Variants in SBF2 observed in about 807,000 individuals in gnomAD.
SBF2 encodes the protein SET binding factor 2.
SBF2 carries 112 observed loss-of-function variants against 225.2 expected under a neutral mutation model. The ratio of observed to expected loss-of-function variants is 0.50; its 90% confidence interval spans 0.43 to 0.58. The LOEUF (loss-of-function observed/expected upper bound fraction) is 0.58. Ranked by LOEUF, SBF2 falls within the 20% of genes least tolerant of loss-of-function variation. SBF2 has a pLI of 0.00. For missense variants in SBF2, 1,996 were observed against 2,206.2 expected (o/e 0.90, Z 1.91); for synonymous variants, 763 against 773.3 (o/e 0.99, Z 0.22).
chr11:10,234,623 C>T (rs948095649), intron 1 of SBF2, among the ~76,000 whole-genome samples: 6 of 152,126 alleles, frequency 3.9e-5, no homozygotes, highest in Non-Finnish European at 2.9e-5. Flanking sequence ...CCATGTGCAG[C>T]TATAACAGCT....
At chr11:10,140,084 G>A (rs1019699885) in intron 2 of SBF2, among the ~76,000 whole-genome samples, 5 of 152,176 alleles carry the variant, frequency 3.3e-5, no homozygotes, top group African/African-American at 9.7e-5. Flanking sequence ...ACCAGTTCCC[G>A]GCACAGTGCT....
chr11:9,820,909 C>T (rs773437562), intron 28 of SBF2, among the ~76,000 whole-genome samples: 8 of 152,234 alleles, frequency 5.3e-5, no homozygotes, highest in Non-Finnish European at 1.2e-4. Context: ...AAAGGTTAAA[C>T]TTATCCACAG....
chr11:10,041,263 T>C (rs1949642311), intron 3 of SBF2, among the ~76,000 whole-genome samples: 1 of 152,134 alleles, frequency 6.6e-6, no homozygotes, highest in Admixed American at 6.6e-5. Context: ...ATTGAACTGA[T>C]AAAAATGAGA....
intron 2 of SBF2, among the ~76,000 whole-genome samples, chr11:10,094,861 CG>C (rs1951951574): frequency 6.6e-6 from 1 of 150,904 alleles, no homozygotes; most frequent in African/African-American, 2.4e-5. Context: ...GTGGTGGTAA[CG>C]GGGAGTGGGT....
intron 1 of SBF2, among the ~76,000 whole-genome samples, chr11:10,245,165 A>G (rs1038702927): frequency 1.3e-5 from 2 of 151,040 alleles, no homozygotes; most frequent in Non-Finnish European, 3.0e-5. Context: ...TAAAATGGGC[A>G]AACTAATTAG....
intron 17 of SBF2, among the ~76,000 whole-genome samples, chr11:9,874,914 A>C (rs1859090700): frequency 6.6e-6 from 1 of 152,266 alleles, no homozygotes. Context: ...TTATATGAAG[A>C]GAAAGGAGAC....
At chr11:10,116,072 G>A (rs1953124072) in intron 2 of SBF2, among the ~76,000 whole-genome samples, 1 of 152,180 alleles carries the variant, frequency 6.6e-6, no homozygotes, top group Non-Finnish European at 1.5e-5. Flanking sequence ...GGGAGGCTGA[G>A]GCAGGAGAAT....
chr11:10,141,271 T>C (rs1399137892), intron 2 of SBF2, among the ~76,000 whole-genome samples: 1 of 152,178 alleles, frequency 6.6e-6, no homozygotes, highest in Non-Finnish European at 1.5e-5. Flanking sequence ...TGTACACTAT[T>C]ATCTCCAGCT....
At chr11:10,159,019 T>A (rs1565297752) in intron 2 of SBF2, among the ~76,000 whole-genome samples, 1 of 152,210 alleles carries the variant, frequency 6.6e-6, no homozygotes, top group Admixed American at 6.5e-5. Context: ...ATATGTCAAG[T>A]CCACCAGTAA....
At chr11:10,223,399 T>TATATA (rs1555082901) in intron 1 of SBF2, among the ~76,000 whole-genome samples, 1 of 59,278 alleles carries the variant, frequency 1.7e-5, no homozygotes. Flanking sequence ...ATTTTGCACA[T>TATATA]TATATATATA....
At chr11:10,291,814 C>G (rs937975700) in intron 1 of SBF2, among the ~76,000 whole-genome samples, 1 of 152,128 alleles carries the variant, frequency 6.6e-6, no homozygotes, top group African/African-American at 2.4e-5. Flanking sequence ...GGAGAAGCCT[C>G]GCAGATATTA....
intron 1 of SBF2, among the ~76,000 whole-genome samples, chr11:10,245,133 C>CAAAAA (rs60827616): frequency 3.2e-5 from 3 of 92,522 alleles, no homozygotes; most frequent in Admixed American, 1.3e-4. Context: ...GACCCTGTCT[C>CAAAAA]AAAAAAAAAA....
chr11:9,831,426 C>T (rs1358697063), intron 27 of SBF2, among the ~76,000 whole-genome samples: 1 of 152,206 alleles, frequency 6.6e-6, no homozygotes, highest in African/African-American at 2.4e-5. Context: ...GGAAGGCTGC[C>T]CTCAGTCAAC....
chr11:10,101,866 G>A (rs1952323005), intron 2 of SBF2, among the ~76,000 whole-genome samples: 3 of 151,966 alleles, frequency 2.0e-5, no homozygotes, highest in Non-Finnish European at 2.9e-5. Flanking sequence ...ATGGGTTTAG[G>A]ACCCCTATAA....
chr11:10,301,157 C>T (rs1438134428), intron 1 of SBF2, among the ~76,000 whole-genome samples: 2 of 152,180 alleles, frequency 1.3e-5, no homozygotes, highest in African/African-American at 4.8e-5. Flanking sequence ...TAACTGTCCT[C>T]CTTGCCCTTA....
intron 2 of SBF2, among the ~76,000 whole-genome samples, chr11:10,085,831 C>T (rs1308414307): frequency 6.6e-6 from 1 of 151,868 alleles, no homozygotes; most frequent in Admixed American, 6.6e-5. Flanking sequence ...TCATCTTGAC[C>T]CTCCTGTCCC....
At chr11:10,283,865 A>G (rs796172130) in intron 1 of SBF2, among the ~76,000 whole-genome samples, 11 of 152,350 alleles carry the variant, frequency 7.2e-5, no homozygotes, top group African/African-American at 2.6e-4. Flanking sequence ...GTGGTTTTCA[A>G]GCTATGTTCT....
At position 9,816,901 on chromosome 11, in the gene SBF2, T is replaced by C; in HGVS notation, c.3917A>G (p.Gln1306Arg). 6.2e-7 allele frequency: 1 copy of C among 1,614,186 alleles called. No homozygotes were observed. The highest frequency in any genetic ancestry group is 1.1e-5 in the South Asian group (1 of 91,086). The change falls in exon 29 of 40, where the codon CAA (glutamine) becomes CGA (arginine). Residue 1306 changes from glutamine to arginine, a missense_variant. By Grantham distance (43) the Gln-to-Arg change is conservative. Transcript: ENST00000256190. The part of the protein sequence containing the change: ...SASFSNSSYL[Q>R]NQLLKRQAAL... The stretch of plus-strand genomic sequence containing the variant: ...TGCTTGCCGTTTCAAGAGCTGGTTT[T>C]GTAGGTAGCTGCTGTTACTGAAGGA...
intron 2 of SBF2, among the ~76,000 whole-genome samples, chr11:10,110,348 A>C (rs555019729): frequency 1.6e-4 from 25 of 152,244 alleles, no homozygotes; most frequent in African/African-American, 5.5e-4. Context: ...CATTTTTATA[A>C]TCCTCCATTT....
Sources: gnomAD v4.1 joint callset for allele counts (sites outside exome capture counted in the v4.1 genomes callset) on GRCh38, gnomAD v4.1.1 for gene constraint, MANE v1.5 for transcripts, NCBI Gene and HGNC (gene_info 2026-07-23, HGNC 2026-07-21) for gene names.